NCAM2: variants seen among roughly 807,000 people sequenced by gnomAD.
NCAM2 encodes neural cell adhesion molecule 2, also known as N-CAM-2.
Under a neutral mutation model 98.1 loss-of-function variants are expected in NCAM2, and 30 were observed. The ratio of observed to expected loss-of-function variants is 0.31; its 90% CI spans 0.23 to 0.41. NCAM2 has a LOEUF of 0.41. NCAM2 is among the 10% of genes least tolerant of loss of function. The pLI is 1.00. For synonymous variants in NCAM2, 368 were observed against 342.4 expected, an observed-to-expected ratio of 1.07 and a Z score of -0.83; for missense variants, 867 against 1,005.8, an observed-to-expected ratio of 0.86 and a Z score of 1.87.
chr21:21,225,139 C>T (rs1366575874), intron 1 of NCAM2, among the ~76,000 whole-genome samples: 5 of 152,084 alleles, frequency 3.3e-5, no homozygotes, highest in Non-Finnish European at 5.9e-5. Context: ...CCATCATCCT[C>T]AGCAAACTAA....
chr21:21,537,758 A>G, intron 17 of NCAM2, 88 bp from the exon 18 acceptor site: 7 of 587,950 alleles, frequency 1.2e-5, no homozygotes, highest in Non-Finnish European at 2.1e-5. Flanking sequence ...ATTGGAGCAT[A>G]TTTTCCTTAC....
intron 8 of NCAM2, among the ~76,000 whole-genome samples, chr21:21,339,373 T>G (rs1038749053): frequency 3.3e-5 from 5 of 152,032 alleles, no homozygotes; most frequent in African/African-American, 4.8e-5. Flanking sequence ...TAATGAAACA[T>G]TACTATATGT....
chr21:21,234,000 C>T (rs1259153743), intron 1 of NCAM2, among the ~76,000 whole-genome samples: 2 of 151,570 alleles, frequency 1.3e-5, no homozygotes, highest in African/African-American at 4.8e-5. Flanking sequence ...TATTTAAGAG[C>T]GTATAAAAGT....
intron 1 of NCAM2, among the ~76,000 whole-genome samples, chr21:21,256,790 T>C (rs2071690915): frequency 6.6e-6 from 1 of 152,228 alleles, no homozygotes; most frequent in Admixed American, 6.5e-5. Context: ...TTTCTGTGTG[T>C]TGGAACCTCC....
intron 16 of NCAM2, among the ~76,000 whole-genome samples, chr21:21,522,632 CTT>C (rs61635255): frequency 2.4e-5 from 3 of 124,780 alleles, no homozygotes; most frequent in Non-Finnish European, 4.9e-5. Flanking sequence ...TTTTCTTTTT[CTT>C]TTTTTTTTTT....
chr21:21,329,024 G>A (rs181916280), intron 6 of NCAM2, among the ~76,000 whole-genome samples: 4 of 148,790 alleles, frequency 2.7e-5, no homozygotes, highest in South Asian at 2.1e-4. Flanking sequence ...GTGCAATCTC[G>A]GCTCACTGCA....
At chr21:21,005,997 A>G (rs2064106603) in intron 1 of NCAM2, among the ~76,000 whole-genome samples, 1 of 152,304 alleles carries the variant, frequency 6.6e-6, no homozygotes, top group South Asian at 2.1e-4. Context: ...ATTATATCGT[A>G]TTTTATAGAT....
At chr21:21,503,120 C>A (rs1046552931) in intron 15 of NCAM2, among the ~76,000 whole-genome samples, 8 of 151,836 alleles carry the variant, frequency 5.3e-5, no homozygotes, top group Non-Finnish European at 8.8e-5. Context: ...ATAGTCCCTG[C>A]TTTAGCCAGA....
intron 9 of NCAM2, among the ~76,000 whole-genome samples, chr21:21,392,303 A>G (rs781335638): frequency 8.5e-5 from 13 of 152,216 alleles, no homozygotes; most frequent in Non-Finnish European, 1.5e-4. Context: ...ATGGCTACAT[A>G]GTATTCCGTG....
rs142378286 is a variant in NCAM2, at chr21:21,012,733, GC to G, written c.55+14121del. ...TTTTTTTACAACTCGAATGTCTGTG[GC>G]CCCCCTGTGTCAAGCAAATCTATCG... On this transcript the variant is annotated intron_variant, in intron 1 of 17. Coordinates refer to ENST00000400546, the MANE Select transcript of NCAM2 (RefSeq NM_004540.5). Among the ~76,000 whole-genome samples, 709 of 151,742 alleles carry G rather than the reference GC, an allele frequency of 4.7e-3. 10 individuals are homozygous for G. The highest frequency in any genetic ancestry group is 0.017 in the African/African-American group (697 of 41,390).
At chr21:21,505,597 TA>T (rs964784017) in intron 15 of NCAM2, among the ~76,000 whole-genome samples, 2 of 151,266 alleles carry the variant, frequency 1.3e-5, no homozygotes, top group South Asian at 2.1e-4. Context: ...CCTGAATTAT[TA>T]AAAAAAAACT....
chr21:21,144,554 GTCTCAATTTCCTAAAATCGA>G (rs1327854004), intron 1 of NCAM2, among the ~76,000 whole-genome samples: 1 of 92,238 alleles, frequency 1.1e-5, no homozygotes, highest in Non-Finnish European at 2.4e-5. Context: ...ATATGTCAAG[GTCTCAATTTCCTAAAATCGA>G]TCTACACATT....
intron 1 of NCAM2, among the ~76,000 whole-genome samples, chr21:21,165,575 A>G (rs1365611568): frequency 3.9e-5 from 6 of 152,158 alleles, no homozygotes; most frequent in Non-Finnish European, 4.4e-5. Flanking sequence ...TGAAAAGTCA[A>G]CCAATTCTTT....
At chr21:21,251,241 G>A (rs2071458860) in intron 1 of NCAM2, among the ~76,000 whole-genome samples, 1 of 152,122 alleles carries the variant, frequency 6.6e-6, no homozygotes, top group Non-Finnish European at 1.5e-5. Context: ...TGCCATGGTG[G>A]TTTGCTGCAC....
At chr21:21,157,198 G>A (rs1569087318) in intron 1 of NCAM2, among the ~76,000 whole-genome samples, 1 of 152,088 alleles carries the variant, frequency 6.6e-6, no homozygotes, top group Non-Finnish European at 1.5e-5. Context: ...TTAATAGAAA[G>A]GAATTATATA....
At chr21:21,531,870 G>A (rs1187365436) in intron 16 of NCAM2, among the ~76,000 whole-genome samples, 2 of 150,348 alleles carry the variant, frequency 1.3e-5, no homozygotes, top group Non-Finnish European at 3.0e-5. Flanking sequence ...GTGGGCGCCT[G>A]TAGTCCCAGC....
chr21:21,477,725 G>T (rs938180328), intron 15 of NCAM2, among the ~76,000 whole-genome samples: 1 of 152,118 alleles, frequency 6.6e-6, no homozygotes, highest in Non-Finnish European at 1.5e-5. Context: ...AACATAGAGA[G>T]TAAGAGTGAC....
chr21:21,336,001 G>A (rs2074857085), intron 7 of NCAM2, among the ~76,000 whole-genome samples: 1 of 152,008 alleles, frequency 6.6e-6, no homozygotes, highest in Admixed American at 6.6e-5. Context: ...TTACAATATA[G>A]TTCAAAAGGG....
At chr21:21,068,704 C>A (rs1601266275) in intron 1 of NCAM2, among the ~76,000 whole-genome samples, 1 of 152,100 alleles carries the variant, frequency 6.6e-6, no homozygotes, top group Non-Finnish European at 1.5e-5. Flanking sequence ...GTGATCTGCC[C>A]ACCTCGGTCT....
Sources: allele counts gnomAD v4.1 joint callset (sites outside exome capture counted in the v4.1 genomes callset), GRCh38; gene constraint gnomAD v4.1.1; transcripts MANE v1.5; gene names NCBI Gene and HGNC (gene_info 2026-07-23, HGNC 2026-07-21).